The following PTPRN2 variants were observed in gnomAD, a reference collection of about 807,000 sequenced individuals.
The protein encoded by PTPRN2 is receptor-type tyrosine-protein phosphatase N2.
In PTPRN2, 74 loss-of-function variants were observed where a neutral mutation model predicts 118.8. The ratio of observed to expected loss-of-function variants is 0.62; its 90% CI spans 0.52 to 0.76. The LOEUF (loss-of-function observed/expected upper bound fraction) is 0.76. PTPRN2 is among the 30% of genes least tolerant of loss of function. The probability of loss-of-function intolerance (pLI) is 0.00; values close to 1 mark genes in which losing one functional copy is unlikely to be tolerated. For synonymous variants in PTPRN2, 641 were observed against 608.0 expected (o/e 1.05, Z -0.80); for missense variants, 1,481 against 1,394.4 (o/e 1.06, Z -0.99).
chr7:157,625,133 G>C (rs1479728026), intron 14 of PTPRN2, among the ~76,000 whole-genome samples: 1 of 152,200 alleles, frequency 6.6e-6, no homozygotes, highest in African/African-American at 2.4e-5. Context: ...CTGCTGATGG[G>C]AATGTAAACT....
chr7:158,433,047 C>A lies in PTPRN2; in HGVS notation c.163+56688G>T, dbSNP rs549488070. On this transcript the variant is annotated intron_variant, in intron 2 of 22. Coordinates refer to ENST00000389418, the MANE Select transcript of PTPRN2 (RefSeq NM_002847.5). Reference sequence around the variant, plus strand: ...AACTGTAGGTCCGTGGAATCACACTCTCTGCTCTCCTGAATCCGGCTTCTT... The same window carrying A: ...AACTGTAGGTCCGTGGAATCACACTATCTGCTCTCCTGAATCCGGCTTCTT... Among the ~76,000 whole-genome samples, 9 of 152,370 alleles carry A rather than the reference C, an allele frequency of 5.9e-5. 1 individual carries two copies. In the South Asian group the frequency reaches 1.9e-3, roughly 32 times the overall value.
At chr7:158,556,205 G>A (rs564277392) in intron 1 of PTPRN2, among the ~76,000 whole-genome samples, 396 of 152,282 alleles carry the variant, frequency 2.6e-3, no homozygotes, top group African/African-American at 9.1e-3. Flanking sequence ...ATAGGTAGAC[G>A]ATTGACAGGT....
intron 20 of PTPRN2, among the ~76,000 whole-genome samples, chr7:157,569,212 T>C (rs1445384184): frequency 6.6e-6 from 1 of 152,262 alleles, no homozygotes; most frequent in Admixed American, 6.5e-5. Context: ...TGCTCAGATG[T>C]GACTCCCTCT....
At chr7:158,169,253 G>GT (rs746992151) in intron 5 of PTPRN2, among the ~76,000 whole-genome samples, 13 of 152,056 alleles carry the variant, frequency 8.5e-5, no homozygotes, top group Non-Finnish European at 1.8e-4. Context: ...GTTTTTCTGG[G>GT]TTTTTTTGAG....
intron 3 of PTPRN2, among the ~76,000 whole-genome samples, chr7:158,214,159 A>C (rs1008697438): frequency 3.3e-5 from 5 of 152,138 alleles, no homozygotes; most frequent in African/African-American, 4.8e-5. Flanking sequence ...TCCGTGGCAT[A>C]TCTTGGAGAA....
At chr7:158,170,625 G>A (rs947248431) in intron 5 of PTPRN2, among the ~76,000 whole-genome samples, 6 of 152,184 alleles carry the variant, frequency 3.9e-5, no homozygotes, top group East Asian at 1.9e-4. Flanking sequence ...AAGCCACTCC[G>A]GCTACTCAAT....
chr7:157,666,113 C>T (rs2092489498), intron 13 of PTPRN2, among the ~76,000 whole-genome samples: 2 of 150,640 alleles, frequency 1.3e-5, no homozygotes, highest in African/African-American at 4.9e-5. Flanking sequence ...TGCACATGTA[C>T]CCTAGAACTT....
At chr7:157,595,819 C>A (rs979648844) in intron 16 of PTPRN2, among the ~76,000 whole-genome samples, 1 of 152,166 alleles carries the variant, frequency 6.6e-6, no homozygotes, top group African/African-American at 2.4e-5. Context: ...ACCCAGCTGT[C>A]CCGAGCCTTG....
chr7:157,814,689 G>A (rs1430493010), intron 12 of PTPRN2, among the ~76,000 whole-genome samples: 6 of 152,354 alleles, frequency 3.9e-5, no homozygotes, highest in Non-Finnish European at 1.5e-5. Flanking sequence ...GAGAAGCGGG[G>A]AGATCCCTCT....
At chr7:157,777,977 CAA>C (rs5888729) in intron 12 of PTPRN2, among the ~76,000 whole-genome samples, 14,053 of 109,432 alleles carry the variant, frequency 0.13, 758 homozygotes, top group South Asian at 0.27. Flanking sequence ...TACACCACAG[CAA>C]AAAAAAAAAA....
At chr7:158,357,365 C>T (rs1808474331) in intron 2 of PTPRN2, among the ~76,000 whole-genome samples, 1 of 152,234 alleles carries the variant, frequency 6.6e-6, no homozygotes, top group Admixed American at 6.5e-5. Flanking sequence ...TCAGTGATTT[C>T]AGGGGTGGTT....
In PTPRN2 at chr7:158,565,645, G is replaced by A. The variant is rs939902760; in HGVS notation, c.112+21913C>T. On this transcript the variant is annotated intron_variant, in intron 1 of 22. Transcript: ENST00000389418. The surrounding 1 kb of genome is among the most constrained non-coding windows in gnomAD (Gnocchi z 4.6). ...GAAAGTAAGCAAAGGCACGGTAGAC[G>A]CCAAGGGTCCAGGAGTCGCCCTCTG... is the stretch of plus-strand genomic sequence containing the variant. 5.3e-5 allele frequency among the ~76,000 whole-genome samples: 8 copies of A among 152,220 alleles called. No homozygotes were observed. Among genetic ancestry groups the A allele is most frequent in the Admixed American group, 6.5e-5 (1 of 15,286 alleles).
intron 14 of PTPRN2, among the ~76,000 whole-genome samples, chr7:157,651,825 T>C (rs1303704333): frequency 1.3e-5 from 2 of 152,226 alleles, no homozygotes; most frequent in Admixed American, 6.5e-5. Flanking sequence ...TTGCTCTGAG[T>C]GAGCATCTCC....
chr7:158,071,085 CCGTGGTGGTGGAGGTGCT>C (rs1811403635), intron 11 of PTPRN2, among the ~76,000 whole-genome samples: 4 of 13,848 alleles, frequency 2.9e-4, no homozygotes, highest in Non-Finnish European at 2.4e-4. Context: ...GTGGAGGTGC[CCGTGGTGGTGGAGGTGCT>C]CGTGGTGGTG....
At chr7:158,053,120 A>G (rs1181731073) in intron 11 of PTPRN2, among the ~76,000 whole-genome samples, 1 of 152,100 alleles carries the variant, frequency 6.6e-6, no homozygotes, top group Non-Finnish European at 1.5e-5. Flanking sequence ...ATTTCAAGTC[A>G]TGTCAATAAA....
chr7:158,228,488 G>A (rs1208688846), intron 3 of PTPRN2, among the ~76,000 whole-genome samples: 1 of 152,002 alleles, frequency 6.6e-6, no homozygotes, highest in Non-Finnish European at 1.5e-5. Flanking sequence ...TCTACTAGGA[G>A]GGACTTCTGG....
chr7:157,807,063 G>A (rs1324538689), intron 12 of PTPRN2, among the ~76,000 whole-genome samples: 2 of 152,236 alleles, frequency 1.3e-5, no homozygotes, highest in African/African-American at 4.8e-5. Context: ...TGCTAGGTTT[G>A]GCCAGGCTGG....
At chr7:157,833,998 C>A (rs951902346) in intron 12 of PTPRN2, among the ~76,000 whole-genome samples, 1 of 152,212 alleles carries the variant, frequency 6.6e-6, no homozygotes, top group Non-Finnish European at 1.5e-5. Flanking sequence ...AAGGAGCTGG[C>A]GGATTTCTCC....
At position 158,188,503 on chromosome 7, in the gene PTPRN2, C is replaced by G. The variant is rs76467122; in HGVS notation, c.549+3824G>C. 5.3e-3 allele frequency among the ~76,000 whole-genome samples: 148 copies of G among 28,022 alleles called. 2 individuals are homozygous for G. Among genetic ancestry groups the G allele is most frequent in the Non-Finnish European group, 7.9e-3 (117 of 14,740 alleles). 18.4% of individuals were successfully genotyped at this position (28,022 alleles called of 152,430 possible). A position where few individuals can be genotyped will look rare whatever the true frequency, so the allele number is the denominator to read the frequency against. ...GATGGGGAAGGCCGCCACGCTCGCC[C>G]CCTGATGGGGAAGGCCGCCACGCTC... is the stretch of plus-strand genomic sequence containing the variant. On this transcript the variant is annotated intron_variant, in intron 5 of 22. Coordinates refer to ENST00000389418, the MANE Select transcript of PTPRN2 (RefSeq NM_002847.5).
Sources: gnomAD v4.1 joint callset for allele counts (sites outside exome capture counted in the v4.1 genomes callset) on GRCh38, gnomAD v4.1.1 for gene constraint, Gnocchi (gnomAD v3.1) non-coding constraint, MANE v1.5 for transcripts, NCBI Gene and HGNC (gene_info 2026-07-23, HGNC 2026-07-21) for gene names.